CACHD1: variants seen among roughly 807,000 people sequenced by gnomAD.
CACHD1 encodes the protein cache domain containing 1.
In CACHD1, 71 loss-of-function variants were observed where a neutral mutation model predicts 138.7. The observed-to-expected ratio is 0.51, with a 90% confidence interval of 0.42 to 0.62. The LOEUF is 0.62. Among genes scored for constraint, CACHD1 ranks in the 20% least tolerant of loss-of-function variants. The pLI, the probability that CACHD1 is intolerant of heterozygous loss-of-function variation, is 0.00. For missense variants in CACHD1, 1,389 were observed against 1,625.3 expected, an observed-to-expected ratio of 0.85 and a Z score of 2.50; for synonymous variants, 578 against 591.5, an observed-to-expected ratio of 0.98 and a Z score of 0.33.
intron 4 of CACHD1, among the ~76,000 whole-genome samples, chr1:64,619,488 T>C (rs1024852980): frequency 3.3e-5 from 5 of 152,190 alleles, no homozygotes; most frequent in Non-Finnish European, 7.3e-5. Flanking sequence ...AAGAACTGTT[T>C]CCTTGCATTT....
intron 1 of CACHD1, among the ~76,000 whole-genome samples, chr1:64,476,557 G>GT (rs1646175704): frequency 6.6e-6 from 1 of 152,178 alleles, no homozygotes; most frequent in Non-Finnish European, 1.5e-5. Flanking sequence ...AAACTGCTGT[G>GT]TTGCTTTCTT....
intron 3 of CACHD1, among the ~76,000 whole-genome samples, chr1:64,591,336 A>G (rs1166354157): frequency 3.3e-5 from 5 of 152,222 alleles, no homozygotes; most frequent in African/African-American, 7.2e-5. Context: ...GAAGCTCAAT[A>G]TGAAGAAACC....
chr1:64,601,151 T>C (rs1647209539), intron 3 of CACHD1, among the ~76,000 whole-genome samples: 1 of 152,234 alleles, frequency 6.6e-6, no homozygotes, highest in Non-Finnish European at 1.5e-5. Flanking sequence ...CAATTTTTTA[T>C]GTATTTTCAG....
At chr1:64,657,704 C>T (rs1649312343) in intron 12 of CACHD1, among the ~76,000 whole-genome samples, 1 of 152,210 alleles carries the variant, frequency 6.6e-6, no homozygotes, top group African/African-American at 2.4e-5. Flanking sequence ...TTTCACTTAA[C>T]TCTAACCTGC....
chr1:64,614,167 G>A (rs923980278), intron 4 of CACHD1, among the ~76,000 whole-genome samples: 3 of 152,226 alleles, frequency 2.0e-5, no homozygotes, highest in African/African-American at 7.2e-5. Flanking sequence ...TATTCACTAA[G>A]TACTAGACCC....
chr1:64,530,642 G>A (rs151075284), intron 1 of CACHD1, among the ~76,000 whole-genome samples: 3,020 of 152,060 alleles, frequency 0.02, 101 homozygotes, highest in African/African-American at 0.069. Context: ...AGGCCGAGGT[G>A]GGCGGATCAC....
chr1:64,668,881 A>AT (rs1649726848), intron 16 of CACHD1, among the ~76,000 whole-genome samples: 1 of 152,108 alleles, frequency 6.6e-6, no homozygotes, highest in Non-Finnish European at 1.5e-5. Context: ...TTGCAAAGGT[A>AT]TTTTTTTCAA....
At chr1:64,632,256 GAAAA>G (rs55924104) in intron 5 of CACHD1, among the ~76,000 whole-genome samples, 29 of 129,796 alleles carry the variant, frequency 2.2e-4, no homozygotes, top group South Asian at 5.0e-4. Context: ...GCTTTTTTCT[GAAAA>G]AAAAAAAAAA....
chr1:64,495,435 G>T (rs1268715211), intron 1 of CACHD1, among the ~76,000 whole-genome samples: 3 of 152,002 alleles, frequency 2.0e-5, no homozygotes, highest in African/African-American at 7.2e-5. Flanking sequence ...ATTTCTTTTT[G>T]ACCTTCTCTG....
chr1:64,643,732 G>A (rs1188198227), intron 8 of CACHD1, among the ~76,000 whole-genome samples: 3 of 152,176 alleles, frequency 2.0e-5, no homozygotes, highest in Non-Finnish European at 4.4e-5. Flanking sequence ...CAGCTACTCG[G>A]GAAGCTGAGG....
intron 3 of CACHD1, among the ~76,000 whole-genome samples, chr1:64,588,701 C>T (rs999289629): frequency 6.6e-6 from 1 of 152,162 alleles, no homozygotes; most frequent in Non-Finnish European, 1.5e-5. Context: ...TTATTGTCCA[C>T]ATCACTTAAT....
At position 64,490,158 on chromosome 1, in the gene CACHD1, G is replaced by A. The variant is rs75984007; in HGVS notation, c.198+19216G>A. On this transcript the variant is annotated intron_variant, in intron 1 of 26. Transcript: ENST00000651257. ...GGAATAACTATTTGGGGATATTTTT[G>A]TCTGTCACTAAGCATTTTCAGCAAA... Among the ~76,000 whole-genome samples, 223 of 152,252 alleles carry A rather than the reference G, an allele frequency of 1.5e-3. 3 individuals carry two copies. Among genetic ancestry groups the A allele is most frequent in the African/African-American group, 5.0e-3 (206 of 41,552 alleles).
chr1:64,520,752 G>A (rs145031487), intron 1 of CACHD1, among the ~76,000 whole-genome samples: 79 of 152,220 alleles, frequency 5.2e-4, no homozygotes, highest in Non-Finnish European at 9.1e-4. Flanking sequence ...TCACTGGGTG[G>A]GAAAACATAT....
chr1:64,526,681 A>G lies in CACHD1; in HGVS notation c.199-23913A>G, dbSNP rs151129567. 6.7e-3 allele frequency among the ~76,000 whole-genome samples: 1,026 copies of G among 152,356 alleles called. 17 individuals carry two copies. Among genetic ancestry groups the G allele is most frequent in the East Asian group, 0.048 (250 of 5,178 alleles). ...TTCCTGCTAACGCAGAAAACTCTGC[A>G]GATTTATTTATTTTTTTCCCTGTAA... is the stretch of plus-strand genomic sequence containing the variant. On this transcript the variant is annotated intron_variant, in intron 1 of 26. Coordinates refer to ENST00000651257, the MANE Select transcript of CACHD1 (RefSeq NM_020925.4).
At chr1:64,622,049 A>G (rs1647930629) in intron 4 of CACHD1, among the ~76,000 whole-genome samples, 1 of 152,156 alleles carries the variant, frequency 6.6e-6, no homozygotes, top group African/African-American at 2.4e-5. Context: ...TCTAGTTGAT[A>G]AGTACCAATC....
chr1:64,646,557 G>A (rs1302137277), intron 8 of CACHD1, among the ~76,000 whole-genome samples: 1 of 147,824 alleles, frequency 6.8e-6, no homozygotes, highest in Admixed American at 6.7e-5. Flanking sequence ...GTGAAACCCC[G>A]TCTTTACCAA....
intron 4 of CACHD1, among the ~76,000 whole-genome samples, chr1:64,611,624 C>G (rs1647537127): frequency 6.6e-6 from 1 of 152,194 alleles, no homozygotes; most frequent in Non-Finnish European, 1.5e-5. Flanking sequence ...CAATAAGTTC[C>G]TCATCCACAT....
chr1:64,647,459 C>T (rs1299699791), intron 8 of CACHD1, among the ~76,000 whole-genome samples: 3 of 152,162 alleles, frequency 2.0e-5, no homozygotes, highest in Non-Finnish European at 2.9e-5. Context: ...ATTACTTTTG[C>T]TTTTAAATAT....
intron 1 of CACHD1, among the ~76,000 whole-genome samples, chr1:64,540,916 C>T (rs560621903): frequency 5.9e-5 from 9 of 152,252 alleles, no homozygotes; most frequent in African/African-American, 1.9e-4. Context: ...AGTTAAATGC[C>T]ACCGGACTAA....
Sources: allele counts gnomAD v4.1 joint callset (sites outside exome capture counted in the v4.1 genomes callset), GRCh38; gene constraint gnomAD v4.1.1; transcripts MANE v1.5; gene names NCBI Gene and HGNC (gene_info 2026-07-23, HGNC 2026-07-21).